Variants in MTSS1 observed in about 807,000 individuals in gnomAD.
MTSS1 encodes the protein MTSS I-BAR domain containing 1.
A neutral mutation model predicts 79.0 loss-of-function variants in MTSS1; 18 were observed. That is an observed-to-expected ratio of 0.23 (90% CI 0.16 to 0.34). The LOEUF is 0.34. MTSS1 is among the 10% of genes least tolerant of loss of function. MTSS1 has a pLI of 1.00. For synonymous variants in MTSS1, 341 were observed against 368.6 expected, an observed-to-expected ratio of 0.93 and a Z score of 0.86; for missense variants, 815 against 986.2, an observed-to-expected ratio of 0.83 and a Z score of 2.33.
At chr8:124,656,893 T>C (rs931681272) in intron 3 of MTSS1, among the ~76,000 whole-genome samples, 2 of 151,754 alleles carry the variant, frequency 1.3e-5, no homozygotes, top group South Asian at 4.2e-4. Context: ...TAGAGGAAGC[T>C]GTTAAATGAT....
chr8:124,565,361 A>T (rs1489022765), intron 9 of MTSS1, among the ~76,000 whole-genome samples: 1 of 152,208 alleles, frequency 6.6e-6, no homozygotes, highest in Non-Finnish European at 1.5e-5. Context: ...GAAGGTTTTC[A>T]CTCTGCTAAA....
At chr8:124,652,973 A>G (rs1328926374) in intron 3 of MTSS1, among the ~76,000 whole-genome samples, 2 of 152,238 alleles carry the variant, frequency 1.3e-5, no homozygotes, top group African/African-American at 4.8e-5. Flanking sequence ...ACTTGATGGC[A>G]GTGAATTCTC....
At chr8:124,590,850 G>A (rs921448314) in intron 4 of MTSS1, among the ~76,000 whole-genome samples, 1 of 152,196 alleles carries the variant, frequency 6.6e-6, no homozygotes, top group African/African-American at 2.4e-5. Context: ...CCGCAGGGCA[G>A]TGGGGGCCCA....
At chr8:124,649,021 C>G (rs1819496391) in intron 3 of MTSS1, among the ~76,000 whole-genome samples, 1 of 152,260 alleles carries the variant, frequency 6.6e-6, no homozygotes, top group South Asian at 2.1e-4. Context: ...TGTGGGCAAC[C>G]TGCCATCCTT....
intron 2 of MTSS1, among the ~76,000 whole-genome samples, chr8:124,703,492 C>T (rs768022603): frequency 7.2e-5 from 11 of 152,132 alleles, no homozygotes; most frequent in Admixed American, 1.3e-4. Flanking sequence ...GGGATTTCGC[C>T]ATGTTGGCCA....
At position 124,597,352 on chromosome 8, in the gene MTSS1, C is replaced by T. The variant is rs1239738329; in HGVS notation, c.209-6117G>A. Among the ~76,000 whole-genome samples the T allele has an allele frequency of 6.6e-6, 1 of 152,172 alleles. No homozygotes were observed. The highest frequency in any genetic ancestry group is 1.5e-5 in the Non-Finnish European group (1 of 68,042). ...TACGGATACCAAGGGCTCTCTCTCA[C>T]TACGACAAGCTGGAGACATTCCCAG... On this transcript the variant is annotated intron_variant, in intron 3 of 13. Coordinates refer to ENST00000518547, the MANE Select transcript of MTSS1 (RefSeq NM_014751.6). The surrounding 1 kb of genome is among the most constrained non-coding windows in gnomAD (Gnocchi z 4.6).
At chr8:124,595,891 G>A (rs1257804530) in intron 3 of MTSS1, among the ~76,000 whole-genome samples, 2 of 152,208 alleles carry the variant, frequency 1.3e-5, no homozygotes, top group African/African-American at 4.8e-5. Context: ...CTTTGGCAGT[G>A]GCTGCTTCAG....
At chr8:124,620,681 G>C (rs1192119991) in intron 3 of MTSS1, among the ~76,000 whole-genome samples, 2 of 152,166 alleles carry the variant, frequency 1.3e-5, no homozygotes, top group Non-Finnish European at 2.9e-5. Flanking sequence ...GAATACTCAA[G>C]TCAGGACCTG....
chr8:124,602,207 A>ATACACACACACACACATATATATATATAT, intron 3 of MTSS1, among the ~76,000 whole-genome samples: 1 of 142,224 alleles, frequency 7.0e-6, no homozygotes, highest in Non-Finnish European at 1.5e-5. Flanking sequence ...ATATATATAT[A>ATACACACACACACACATATATATATATAT]ATTTTTTTTT....
intron 3 of MTSS1, among the ~76,000 whole-genome samples, chr8:124,668,196 C>G (rs893490597): frequency 6.6e-6 from 1 of 152,236 alleles, no homozygotes; most frequent in Admixed American, 6.5e-5. Context: ...AGCGGCCACA[C>G]GTGTGGGCTG....
At chr8:124,571,920 T>C (rs1302177264) in intron 6 of MTSS1, among the ~76,000 whole-genome samples, 1 of 152,104 alleles carries the variant, frequency 6.6e-6, no homozygotes, top group African/African-American at 2.4e-5. Flanking sequence ...GCTGAGATCA[T>C]GCCACTGCAC....
intron 3 of MTSS1, among the ~76,000 whole-genome samples, chr8:124,628,350 C>T (rs766145405): frequency 3.3e-5 from 5 of 152,226 alleles, no homozygotes; most frequent in Non-Finnish European, 4.4e-5. Flanking sequence ...CCCCAGGACA[C>T]GGCACCAATT....
chr8:124,636,961 AAG>A (rs1205712483), intron 3 of MTSS1, among the ~76,000 whole-genome samples: 3 of 152,320 alleles, frequency 2.0e-5, no homozygotes, highest in African/African-American at 7.2e-5. Context: ...GCTCTGAACT[AAG>A]AGGGGATTTT....
intron 3 of MTSS1, among the ~76,000 whole-genome samples, chr8:124,647,617 G>A (rs1398638865): frequency 6.6e-6 from 1 of 151,996 alleles, no homozygotes; most frequent in Non-Finnish European, 1.5e-5. Context: ...AAAAAAAGAT[G>A]TGTGGCATGT....
Position 124,572,672 on chromosome 8 carries a change from T to C in MTSS1, c.461-4136A>G, listed in dbSNP as rs566739522. On this transcript the variant is annotated intron_variant, in intron 6 of 13. Coordinates refer to ENST00000518547, the MANE Select transcript of MTSS1 (RefSeq NM_014751.6). ...CTGAACAGATGCCAACAGCCCCTAA[T>C]GTCTCACCCCAGACTGCACTTGGAC... Among the ~76,000 whole-genome samples the C allele has an allele frequency of 2.0e-5, 3 of 151,806 alleles. No homozygotes were observed. The East Asian group carries it at 5.8e-4, about 29-fold the overall frequency.
chr8:124,706,174 T>C (rs1398256754), intron 1 of MTSS1, among the ~76,000 whole-genome samples: 1 of 152,144 alleles, frequency 6.6e-6, no homozygotes, highest in Non-Finnish European at 1.5e-5. Context: ...TCTATTTATA[T>C]ACTTCCCTAG....
intron 1 of MTSS1, among the ~76,000 whole-genome samples, chr8:124,718,479 G>T (rs774274489): frequency 4.6e-5 from 7 of 152,044 alleles, no homozygotes; most frequent in Non-Finnish European, 1.0e-4. Flanking sequence ...TTCCTATTGG[G>T]GTGCCTCATC....
At chr8:124,666,362 G>A (rs1241290569) in intron 3 of MTSS1, among the ~76,000 whole-genome samples, 1 of 152,226 alleles carries the variant, frequency 6.6e-6, no homozygotes, top group Non-Finnish European at 1.5e-5. Context: ...ATGCTAAATA[G>A]ATGTTCTGGT....
At chr8:124,661,537 C>T (rs1822028179) in intron 3 of MTSS1, among the ~76,000 whole-genome samples, 1 of 152,192 alleles carries the variant, frequency 6.6e-6, no homozygotes, top group African/African-American at 2.4e-5. Flanking sequence ...TGACCATCAG[C>T]TTGAAAACTG....
Sources: gnomAD v4.1 joint callset for allele counts (sites outside exome capture counted in the v4.1 genomes callset) on GRCh38, gnomAD v4.1.1 for gene constraint, Gnocchi (gnomAD v3.1) non-coding constraint, MANE v1.5 for transcripts, NCBI Gene and HGNC (gene_info 2026-07-23, HGNC 2026-07-21) for gene names.